Variants in PIK3R2 observed in about 807,000 individuals in gnomAD.
PIK3R2 encodes phosphatidylinositol 3-kinase regulatory subunit beta.
Under a neutral mutation model 78.5 loss-of-function variants are expected in PIK3R2, and 40 were observed. The observed-to-expected ratio is 0.51, with a 90% CI of 0.40 to 0.66. The LOEUF (loss-of-function observed/expected upper bound fraction) is 0.66, where lower values mean the gene tolerates loss of function less well. Ranked by LOEUF, PIK3R2 falls within the 30% of genes least tolerant of loss-of-function variation. The pLI, the probability that PIK3R2 is intolerant of heterozygous loss-of-function variation, is 0.00. For synonymous variants in PIK3R2, 473 were observed against 457.7 expected, an observed-to-expected ratio of 1.03 and a Z score of -0.43; for missense variants, 880 against 1,026.6, an observed-to-expected ratio of 0.86 and a Z score of 1.95.
chr19:18,170,021 C>CA lies in PIK3R2; in HGVS notation c.*731dup, dbSNP rs1347897094. 5.7e-6 allele frequency: 1 copy of CA among 174,820 alleles called. No individual in the cohort carries two copies. Among genetic ancestry groups the CA allele is most frequent in the East Asian group, 9.9e-5 (1 of 10,082 alleles). 10.8% of individuals were successfully genotyped at this position (174,820 alleles called of 1,614,324 possible). On this transcript the variant is annotated 3_prime_UTR_variant, in exon 16 of 16. Transcript: ENST00000222254. ...GTCGGGAGTTGGAGGCCAGCCTGGC[C>CA]AAAATGGCAAAACCCCGCATCTACT...
Position 18,167,220 on chromosome 19 carries a change from C to G in PIK3R2, c.1650C>G (p.Ala550=), listed in dbSNP as rs561267421. The G allele has an allele frequency of 1.2e-6, 2 of 1,612,156 alleles. No homozygotes were observed. Among genetic ancestry groups the G allele is most frequent in the East Asian group, 4.5e-5 (2 of 44,594 alleles). Residue 550 remains alanine, a synonymous_variant, in exon 13 of 16, where the codon GCC becomes GCG. Transcript: ENST00000222254. The surrounding 1 kb of genome is among the most constrained non-coding windows in gnomAD (Gnocchi z 4.5). ...TKLEQQLRAQ[A]SDNREIDKRM... ...TGGAGCAGCAGCTGCGGGCCCAGGC[C>G]TCGGACAACAGAGAGATCGACAAGC...
chr19:18,161,443 C>G lies in PIK3R2; in HGVS notation c.763C>G (p.Leu255Val). The change falls in exon 6 of 16, where the codon CTG (leucine) becomes GTG (valine). Residue 255 changes from leucine to valine, a missense_variant. This residue lies in a region of PIK3R2 where 456 missense variants were observed against 486.6 expected (regional missense o/e 0.94). Transcript: ENST00000222254. This position sits in a 1 kb window ranked among gnomAD's most constrained non-coding sequence, Gnocchi z 5.3. Reference protein sequence around the residue: ...ALGATFGPLLLRAPPPPSSPP... With the variant: ...ALGATFGPLLVRAPPPPSSPP... ...GGGCGCCACCTTTGGGCCGCTGCTGCTGCGCGCGCCGCCGCCGCCGTCCTC... is the reference window on the plus strand; with the variant it reads ...GGGCGCCACCTTTGGGCCGCTGCTGGTGCGCGCGCCGCCGCCGCCGTCCTC... 1 of 1,205,474 alleles carries G rather than the reference C, an allele frequency of 8.3e-7. No individual in the cohort carries two copies. Among genetic ancestry groups the G allele is most frequent in the Non-Finnish European group, 1.0e-6 (1 of 973,174 alleles). The allele number at this position is 1,205,474 out of a possible 1,614,324, so 74.7% of individuals were successfully genotyped here.
intron 1 of PIK3R2, among the ~76,000 whole-genome samples, chr19:18,155,196 CAAAAAAAA>C (rs34249019): frequency 9.1e-6 from 1 of 109,306 alleles, no homozygotes; most frequent in Non-Finnish European, 1.8e-5. Flanking sequence ...GACTCTATCT[CAAAAAAAA>C]AAAAAAAAAA....
In PIK3R2 at chr19:18,167,110, C is replaced by T; in HGVS notation, c.1560-20C>T. ...GAGATAAAACCCTGAGGTCTCTGCG[C>T]CACCCCACCCCTCCCACAGGATCCT... On this transcript the variant is annotated intron_variant, in intron 12 of 15. Coordinates refer to ENST00000222254, the MANE Select transcript of PIK3R2 (RefSeq NM_005027.4). The surrounding 1 kb of genome is among the most constrained non-coding windows in gnomAD (Gnocchi z 4.5). 6.5e-7 allele frequency: 1 copy of T among 1,545,218 alleles called. No homozygotes were observed. Among genetic ancestry groups the T allele is most frequent in the Non-Finnish European group, 8.7e-7 (1 of 1,143,160 alleles).
At chr19:18,160,772 C>T in intron 3 of PIK3R2, 147 bp from the exon 4 acceptor site, 1 of 1,024,082 alleles carries the variant, frequency 9.8e-7, no homozygotes, top group Non-Finnish European at 1.5e-6. Flanking sequence ...TGTGCTGTGC[C>T]CTCTCCCAGT....
intron 8 of PIK3R2, 48 bp from the exon 9 acceptor site, chr19:18,162,360 C>G: frequency 6.3e-7 from 1 of 1,592,962 alleles, no homozygotes; most frequent in Non-Finnish European, 8.6e-7. Flanking sequence ...ACAGGGTGAG[C>G]GGGGTCTCCA....
rs771945095 is a variant in PIK3R2 at position 18,169,556 on chromosome 19, C to A, written c.*262C>A. 2 of 315,334 alleles carry A rather than the reference C, an allele frequency of 6.3e-6. No homozygotes were observed. The highest frequency in any genetic ancestry group is 1.2e-5 in the Non-Finnish European group (2 of 170,900). The allele number at this position is 315,334 out of a possible 1,614,324, so 19.5% of individuals were successfully genotyped here. ...TCCTAACTCCCCCACCCCATATCTA[C>A]GTGTCCTCCGGGCATTGCCCTCTCC... is the stretch of plus-strand genomic sequence containing the variant. On this transcript the variant is annotated 3_prime_UTR_variant, in exon 16 of 16. Coordinates refer to ENST00000222254, the MANE Select transcript of PIK3R2 (RefSeq NM_005027.4).
Position 18,156,326 on chromosome 19 carries a change from A to G in PIK3R2, c.322+125A>G. The stretch of plus-strand genomic sequence containing the variant: ...AAAAAGGACATTTGGTCATTTGACA[A>G]GTGTCTTCAGTGCTAGGCTCAGCAG... On this transcript the variant is annotated intron_variant, in intron 2 of 15. Transcript: ENST00000222254. This position sits in a 1 kb window ranked among gnomAD's most constrained non-coding sequence, Gnocchi z 4.2. The G allele has an allele frequency of 1.4e-6, 1 of 725,454 alleles. No homozygotes were observed. The highest frequency in any genetic ancestry group is 2.1e-6 in the Non-Finnish European group (1 of 478,794). 44.9% of individuals were successfully genotyped at this position (725,454 alleles called of 1,614,324 possible). A position where few individuals can be genotyped will look rare whatever the true frequency, so the allele number is the denominator to read the frequency against.
At chr19:18,159,087 T>G (rs1268814016) in intron 2 of PIK3R2, among the ~76,000 whole-genome samples, 2 of 143,804 alleles carry the variant, frequency 1.4e-5, no homozygotes, top group Admixed American at 7.1e-5. Context: ...AGTGATATGC[T>G]CACCTCGGCC....
At chr19:18,169,028 C>G in intron 15 of PIK3R2, 59 bp from the exon 16 acceptor site, 3 of 1,576,654 alleles carry the variant, frequency 1.9e-6, no homozygotes, top group Non-Finnish European at 2.6e-6. Context: ...GGCCCTGGAA[C>G]GGGGAAAGCT....
chr19:18,163,435 G>T lies in PIK3R2; in HGVS notation c.1416+47G>T, dbSNP rs1405779569. 4 of 1,610,416 alleles carry T rather than the reference G, an allele frequency of 2.5e-6. No homozygotes were observed. In the South Asian group the frequency reaches 4.4e-5, roughly 18 times the overall value. On this transcript the variant is annotated intron_variant, in intron 11 of 15. Coordinates refer to ENST00000222254, the MANE Select transcript of PIK3R2 (RefSeq NM_005027.4). The stretch of plus-strand genomic sequence containing the variant: ...AGGGAAACCGAGACATAGAGGGGCA[G>T]TGGCAAGGCCGGGAGCAGGATGACC...
rs764920291 is a variant in PIK3R2 at position 18,167,084 on chromosome 19, C to T, written c.1560-46C>T. ...CCAGGAGTTTGAGGGTGCAGTGAGCCGAGATAAAACCCTGAGGTCTCTGCG... is the reference window on the plus strand; with the variant it reads ...CCAGGAGTTTGAGGGTGCAGTGAGCTGAGATAAAACCCTGAGGTCTCTGCG... On this transcript the variant is annotated intron_variant, in intron 12 of 15. Transcript: ENST00000222254. The surrounding 1 kb of genome is among the most constrained non-coding windows in gnomAD (Gnocchi z 4.5). 2.4e-5 allele frequency: 36 copies of T among 1,470,076 alleles called. No individual in the cohort carries two copies. Among genetic ancestry groups the T allele is most frequent in the Non-Finnish European group, 3.0e-5 (33 of 1,105,090 alleles). 91.1% of individuals were successfully genotyped at this position (1,470,076 alleles called of 1,614,324 possible).
chr19:18,161,926 G>C lies in PIK3R2; in HGVS notation c.816-40G>C. 1 of 1,549,020 alleles carries C rather than the reference G, an allele frequency of 6.5e-7. No individual in the cohort carries two copies. The highest frequency in any genetic ancestry group is 1.4e-5 in the African/African-American group (1 of 73,752). ...TCCTGTGCACATGCGTGGGCGGACAGGCCCTACCCAGCCCTCACCACACTC... is the reference window on the plus strand; with the variant it reads ...TCCTGTGCACATGCGTGGGCGGACACGCCCTACCCAGCCCTCACCACACTC... On this transcript the variant is annotated intron_variant, in intron 6 of 15. Coordinates refer to ENST00000222254, the MANE Select transcript of PIK3R2 (RefSeq NM_005027.4). The surrounding 1 kb of genome is among the most constrained non-coding windows in gnomAD (Gnocchi z 5.3).
rs2043808995 is a variant in PIK3R2, at chr19:18,166,256, T to C, written c.1513T>C (p.Tyr505His). The C allele has an allele frequency of 6.2e-7, 1 of 1,613,952 alleles. No individual in the cohort carries two copies. The highest frequency in any genetic ancestry group is 1.7e-5 in the Admixed American group (1 of 59,984). The change falls in exon 12 of 16, where the codon TAC (tyrosine) becomes CAC (histidine). Residue 505 changes from tyrosine (Y) to histidine (H), a missense_variant. Tyr to His is a moderately conservative substitution (Grantham distance 83). This residue lies in a region of PIK3R2 where 156 missense variants were observed against 241.0 expected (regional missense o/e 0.65). Transcript: ENST00000222254. ...GACTCAAGAGAAATGCAGCAAGGAA[T>C]ACCTGGAGCGCTTCCGGCGTGAGGG... ...GQTQEKCSKE[Y>H]LERFRREGNE...
chr19:18,163,074 G>A lies in PIK3R2; in HGVS notation c.1217G>A (p.Arg406His), dbSNP rs201531496. The A allele has an allele frequency of 5.7e-5, 92 of 1,613,278 alleles. No homozygotes were observed. Among genetic ancestry groups the A allele is most frequent in the South Asian group, 6.6e-5 (6 of 91,036 alleles). The part of the protein sequence containing the change: ...CSVVDLINHY[R>H]HESLAQYNAK... Reference sequence around the variant, plus strand: ...GTTGTGGACCTCATCAATCACTACCGCCACGAGTCTCTGGCCCAGTACAAT... The same window carrying A: ...GTTGTGGACCTCATCAATCACTACCACCACGAGTCTCTGGCCCAGTACAAT... The change falls in exon 10 of 16, where the codon CGC becomes CAC. Residue 406 changes from arginine to histidine, a missense_variant. By Grantham distance (29) the Arg-to-His change is conservative. This residue lies in a region of PIK3R2 where 156 missense variants were observed against 241.0 expected (regional missense o/e 0.65). Transcript: ENST00000222254.
In PIK3R2 at chr19:18,167,167, G is replaced by A. The variant is rs1384046345; in HGVS notation, c.1597G>A (p.Ala533Thr). Residue 533 changes from alanine to threonine, a missense_variant, in exon 13 of 16, where the codon GCC becomes ACC. Ala to Thr is a moderately conservative substitution (Grantham distance 58, BLOSUM62 0). Transcript: ENST00000222254. This position sits in a 1 kb window ranked among gnomAD's most constrained non-coding sequence, Gnocchi z 4.5. ...CTCCGAGCGGCTCAAGTCCCGCATT[G>A]CCGAGATCCATGAGAGCCGCACGAA... ...LNSERLKSRI[A>T]EIHESRTKLE... is the part of the protein sequence containing the mutation. 5 of 1,607,638 alleles carry A rather than the reference G, an allele frequency of 3.1e-6. No homozygotes were observed. The highest frequency in any genetic ancestry group is 4.2e-6 in the Non-Finnish European group (5 of 1,177,136).
chr19:18,159,380 C>G (rs2043717085), intron 2 of PIK3R2, among the ~76,000 whole-genome samples: 3 of 151,920 alleles, frequency 2.0e-5, no homozygotes, highest in African/African-American at 7.3e-5. Flanking sequence ...CTTGCAGCTT[C>G]TGGTGCCTCC....
At position 18,161,989 on chromosome 19, in the gene PIK3R2, C is replaced by T. The variant is rs1478273918; in HGVS notation, c.839C>T (p.Pro280Leu). Residue 280 changes from proline to leucine, a missense_variant, in exon 7 of 16, where the codon CCG becomes CTG. Coordinates refer to ENST00000222254, the MANE Select transcript of PIK3R2 (RefSeq NM_005027.4). This position sits in a 1 kb window ranked among gnomAD's most constrained non-coding sequence, Gnocchi z 5.3. ...PDGSEPSPDF[P>L]ALLVEKLLQE... ...AGGAGTGAGCCCAGCCCTGACTTCC[C>T]GGCGCTGCTGGTGGAGAAGCTGCTT... The T allele has an allele frequency of 1.9e-6, 3 of 1,613,970 alleles. No individual in the cohort carries two copies. The highest frequency in any genetic ancestry group is 1.3e-5 in the African/African-American group (1 of 75,030).
At position 18,162,198 on chromosome 19, in the gene PIK3R2, C is replaced by A; in HGVS notation, c.902-4C>A. 1.3e-6 allele frequency: 2 copies of A among 1,530,676 alleles called. No individual in the cohort carries two copies. The highest frequency in any genetic ancestry group is 9.0e-7 in the Non-Finnish European group (1 of 1,106,994). 94.8% of individuals were successfully genotyped at this position (1,530,676 alleles called of 1,614,324 possible). A position where few individuals can be genotyped will look rare whatever the true frequency, so the allele number is the denominator to read the frequency against. On this transcript the variant is annotated splice_polypyrimidine_tract_variant and splice_region_variant and intron_variant, in intron 7 of 15. Transcript: ENST00000222254. The stretch of plus-strand genomic sequence containing the variant: ...CAGGATGCATTTGTTTTCCTGTCCC[C>A]CAGCGCTGCCGCCTAAACCCCCCAA...
Sources: allele counts gnomAD v4.1 joint callset (sites outside exome capture counted in the v4.1 genomes callset), GRCh38; gene constraint gnomAD v4.1.1; regional missense constraint gnomAD v4.1.1; non-coding constraint Gnocchi (gnomAD v3.1); transcripts MANE v1.5; gene names NCBI Gene and HGNC (gene_info 2026-07-23, HGNC 2026-07-21).